Variants in SUCO observed in about 807,000 individuals in gnomAD.
SUCO encodes SUN domain-containing ossification factor.
In SUCO, 57 loss-of-function variants were observed where a neutral mutation model predicts 148.1. The ratio of observed to expected loss-of-function variants is 0.38; its 90% CI spans 0.31 to 0.48. The LOEUF (loss-of-function observed/expected upper bound fraction) is 0.48, where lower values mean the gene tolerates loss of function less well. Ranked by LOEUF, SUCO falls within the 20% of genes least tolerant of loss-of-function variation. The pLI, the probability that SUCO is intolerant of heterozygous loss-of-function variation, is 0.96. For synonymous variants in SUCO, 470 were observed against 502.7 expected, an observed-to-expected ratio of 0.93 and a Z score of 0.87; for missense variants, 1,331 against 1,468.2, an observed-to-expected ratio of 0.91 and a Z score of 1.53.
At chr1:172,572,949 A>G (rs533207790) in intron 9 of SUCO, among the ~76,000 whole-genome samples, 2 of 152,240 alleles carry the variant, frequency 1.3e-5, no homozygotes, top group Non-Finnish European at 2.9e-5. Flanking sequence ...ATGCACATGG[A>G]ACCATGCTTT....
intron 9 of SUCO, among the ~76,000 whole-genome samples, chr1:172,572,223 A>G (rs953780004): frequency 2.7e-5 from 4 of 149,290 alleles, no homozygotes; most frequent in Admixed American, 1.3e-4. Flanking sequence ...TTGAGAACGG[A>G]CCATGATGAC....
intron 22 of SUCO, among the ~76,000 whole-genome samples, chr1:172,607,759 TAAAG>T (rs1019005947): frequency 2.0e-5 from 3 of 151,948 alleles, no homozygotes; most frequent in Non-Finnish European, 2.9e-5. Flanking sequence ...ACATCATTAT[TAAAG>T]AAAGTAAATT....
intron 2 of SUCO, chr1:172,551,859 T>C (rs1466604207): frequency 1.1e-5 from 4 of 373,262 alleles, no homozygotes; most frequent in Non-Finnish European, 2.0e-5. Flanking sequence ...TCCTGTAGTA[T>C]AGGGTAGTGC....
intron 17 of SUCO, among the ~76,000 whole-genome samples, chr1:172,587,877 A>G (rs1473243841): frequency 6.6e-6 from 1 of 152,068 alleles, no homozygotes; most frequent in Admixed American, 6.6e-5. Context: ...GTAATTAACT[A>G]TCTTTATCTT....
chr1:172,570,621 T>C, intron 8 of SUCO, 42 bp from the exon 9 acceptor site: 1 of 1,300,548 alleles, frequency 7.7e-7, no homozygotes, highest in Non-Finnish European at 1.1e-6. Context: ...CTTTCTTCAT[T>C]ATTCCTTAAG....
Position 172,575,590 on chromosome 1 carries a change from T to C in SUCO, c.1230T>C (p.Pro410=). 1.9e-6 allele frequency: 3 copies of C among 1,611,990 alleles called. No individual in the cohort carries two copies. Among genetic ancestry groups the C allele is most frequent in the Middle Eastern group, 1.7e-4 (1 of 6,056 alleles). Residue 410 remains proline, a synonymous_variant, in exon 11 of 24, where the codon CCT becomes CCC. Coordinates refer to ENST00000263688, the MANE Select transcript of SUCO (RefSeq NM_014283.5). ...ATGAGCGGAATGTACAGAGTTTCCC[T>C]TTAGATGAACAGATGTATGCAAAAT... is the stretch of plus-strand genomic sequence containing the variant. ...GRDERNVQSF[P]LDEQMYAKYV... is the part of the protein sequence containing the mutation.
chr1:172,593,605 G>A (rs192541161), intron 19 of SUCO, among the ~76,000 whole-genome samples: 3 of 152,214 alleles, frequency 2.0e-5, no homozygotes, highest in Non-Finnish European at 2.9e-5. Context: ...TGAACCAGCC[G>A]TGCATCCCAG....
chr1:172,532,678 T>C (rs754886082), upstream of SUCO: 14 of 1,613,844 alleles, frequency 8.7e-6, no homozygotes, highest in Middle Eastern at 3.3e-4. Context: ...AGCGAAACTA[T>C]AGACTTCTCT....
At chr1:172,566,533 A>G (rs1654565824) in intron 6 of SUCO, among the ~76,000 whole-genome samples, 1 of 152,216 alleles carries the variant, frequency 6.6e-6, no homozygotes, top group Non-Finnish European at 1.5e-5. Context: ...GGTGGTGTTA[A>G]ACAGCAACTT....
chr1:172,602,555 G>A (rs1207821789), intron 21 of SUCO, 141 bp from the exon 22 acceptor site: 10 of 1,441,128 alleles, frequency 6.9e-6, no homozygotes, highest in African/African-American at 2.9e-5. Flanking sequence ...TTTTCCACCT[G>A]TATTAGCAAT....
At chr1:172,573,783 A>G (rs1655220683) in intron 9 of SUCO, 108 bp from the exon 10 acceptor site, 3 of 626,138 alleles carry the variant, frequency 4.8e-6, no homozygotes, top group South Asian at 2.2e-5. Flanking sequence ...TAACATTTTA[A>G]TGAGTAACTC....
chr1:172,565,453 A>G (rs1329698678), intron 6 of SUCO, among the ~76,000 whole-genome samples: 1 of 152,248 alleles, frequency 6.6e-6, no homozygotes, highest in African/African-American at 2.4e-5. Context: ...TATAACCCAC[A>G]GTCCTAAAGG....
chr1:172,595,958 TG>T (rs1401732127), intron 19 of SUCO, among the ~76,000 whole-genome samples: 1 of 152,228 alleles, frequency 6.6e-6, no homozygotes, highest in Non-Finnish European at 1.5e-5. Flanking sequence ...CCATATTTCT[TG>T]GAGTCCTTGT....
At chr1:172,607,367 C>T (rs544922514) in intron 22 of SUCO, among the ~76,000 whole-genome samples, 6 of 151,586 alleles carry the variant, frequency 4.0e-5, no homozygotes, top group Middle Eastern at 3.4e-3. Context: ...ATTTGGACTG[C>T]AAGTTCATGC....
At chr1:172,607,271 T>C (rs563893762) in intron 22 of SUCO, among the ~76,000 whole-genome samples, 101 of 151,892 alleles carry the variant, frequency 6.6e-4, no homozygotes, top group Non-Finnish European at 1.2e-3. Context: ...TAGGTTCTTA[T>C]TTGAGAGGGA....
In SUCO at chr1:172,600,108, G is replaced by A. The variant is rs748022342; in HGVS notation, c.2958G>A (p.Leu986=). ...CCATCCAGTTGCTACAGGCACAGCT[G>A]ACCAACATGACACAGCTTGTTTCAA... ...TEAIQLLQAQ[L]TNMTQLVSNL... Residue 986 remains leucine (L), a synonymous_variant, in exon 20 of 24, where the codon CTG becomes CTA. Transcript: ENST00000263688. 6.2e-6 allele frequency: 10 copies of A among 1,610,822 alleles called. No homozygotes were observed. The East Asian group carries it at 2.0e-4, about 32-fold the overall frequency.
intron 20 of SUCO, 97 bp downstream of exon 20, chr1:172,600,265 C>T (rs1280607766): frequency 3.5e-6 from 3 of 856,640 alleles, no homozygotes; most frequent in Non-Finnish European, 5.3e-6. Flanking sequence ...AAAACTTTGA[C>T]CAAACAAAAT....
chr1:172,592,430 A>G lies in SUCO; in HGVS notation c.2913+1359A>G, dbSNP rs1656741888. On this transcript the variant is annotated intron_variant, in intron 19 of 23. Coordinates refer to ENST00000263688, the MANE Select transcript of SUCO (RefSeq NM_014283.5). ...TTTAGGTCTAACATTTAAGTCTTTA[A>G]TCCATCTTGAATTAATTTTTGTATA... 1.3e-5 allele frequency among the ~76,000 whole-genome samples: 2 copies of G among 152,120 alleles called. 1 individual carries two copies. The highest frequency in any genetic ancestry group is 4.1e-4 in the South Asian group (2 of 4,828).
At position 172,548,431 on chromosome 1, in the gene SUCO, A is replaced by G. The variant is rs111851714; in HGVS notation, c.63-3081A>G. Among the ~76,000 whole-genome samples, 394 of 151,942 alleles carry G rather than the reference A, an allele frequency of 2.6e-3. 1 individual carries two copies. The highest frequency in any genetic ancestry group is 9.0e-3 in the African/African-American group (374 of 41,532). ...TTCTCTATTTTAGCAATGCCTATCC[A>G]TATATCCTTCCTTGTTTCTTTGCAT... On this transcript the variant is annotated intron_variant, in intron 1 of 23. Transcript: ENST00000263688.
Sources: gnomAD v4.1 joint callset for allele counts (sites outside exome capture counted in the v4.1 genomes callset) on GRCh38, gnomAD v4.1.1 for gene constraint, MANE v1.5 for transcripts, NCBI Gene and HGNC (gene_info 2026-07-23, HGNC 2026-07-21) for gene names.